BAZ2A: variants seen among roughly 807,000 people sequenced by gnomAD.
BAZ2A encodes bromodomain adjacent to zinc finger domain protein 2A.
Under a neutral mutation model 199.9 loss-of-function variants are expected in BAZ2A, and 34 were observed. That is an observed-to-expected ratio of 0.17 (90% CI 0.13 to 0.23). The LOEUF is 0.23. Ranked by LOEUF, BAZ2A falls within the 10% of genes least tolerant of loss-of-function variation. The pLI is 1.00. For missense variants in BAZ2A, 2,002 were observed against 2,391.1 expected (o/e 0.84, Z 3.39); for synonymous variants, 857 against 883.9 (o/e 0.97, Z 0.54).
At chr12:56,628,266 G>C (rs1400692626) in intron 1 of BAZ2A, among the ~76,000 whole-genome samples, 2 of 151,170 alleles carry the variant, frequency 1.3e-5, no homozygotes, top group African/African-American at 4.9e-5. Flanking sequence ...GCCAACTGTT[G>C]CCCCTAACCA....
Position 56,597,382 on chromosome 12 carries a change from T to G in BAZ2A, c.*1236A>C, listed in dbSNP as rs537355252. ...GTTCCTGCTGAAAGATTGCACAGTC[T>G]GAAGAGGCTGGAACAAAAATGACCA... On this transcript the variant is annotated 3_prime_UTR_variant, in exon 29 of 29. Coordinates refer to ENST00000549884, the MANE Select transcript of BAZ2A (RefSeq NM_001300905.2). 1 of 152,146 alleles carries G rather than the reference T, an allele frequency of 6.6e-6. No homozygotes were observed. The highest frequency in any genetic ancestry group is 1.5e-5 in the Non-Finnish European group (1 of 67,962). The allele number at this position is 152,146 out of a possible 1,614,324, so 9.4% of individuals were successfully genotyped here.
rs866633933 is a variant in BAZ2A at position 56,606,194 on chromosome 12, A to C, written c.2259+53T>G. 80 of 1,610,146 alleles carry C rather than the reference A, an allele frequency of 5.0e-5. No homozygotes were observed. In the Middle Eastern group the frequency reaches 6.6e-4, roughly 13 times the overall value. The stretch of plus-strand genomic sequence containing the variant: ...CAAGACTGATGTACATGTCCTGCAA[A>C]ATCAGTTTAGTGGCTTCGAAATTAT... On this transcript the variant is annotated intron_variant, in intron 12 of 28. Transcript: ENST00000549884.
At chr12:56,624,383 TTC>T (rs1951016185) in intron 1 of BAZ2A, among the ~76,000 whole-genome samples, 1 of 152,182 alleles carries the variant, frequency 6.6e-6, no homozygotes. Flanking sequence ...AAGATGACTG[TTC>T]TCTGTCCTTA....
In BAZ2A at chr12:56,600,934, T is replaced by TG. The variant is rs757090660; in HGVS notation, c.4450+8dup. On this transcript the variant is annotated intron_variant, in intron 22 of 28. Coordinates refer to ENST00000549884, the MANE Select transcript of BAZ2A (RefSeq NM_001300905.2). Reference sequence around the variant, plus strand: ...CTTCAGCTCAAGCTGGGTGTAGGAATGTATTTACCAGCTGAGGGCCGCAGG... The same window carrying TG: ...CTTCAGCTCAAGCTGGGTGTAGGAATGGTATTTACCAGCTGAGGGCCGCAGG... 6.2e-7 allele frequency: 1 copy of TG among 1,613,610 alleles called. No homozygotes were observed. The highest frequency in any genetic ancestry group is 8.5e-7 in the Non-Finnish European group (1 of 1,179,688).
At chr12:56,608,149 G>A (rs1007661684) in intron 10 of BAZ2A, among the ~76,000 whole-genome samples, 5 of 151,730 alleles carry the variant, frequency 3.3e-5, no homozygotes, top group Admixed American at 3.3e-4. Context: ...GAGGTGGGCG[G>A]ATCACGAGGT....
chr12:56,601,095 ATC>A lies in BAZ2A; in HGVS notation c.4296_4297del (p.Glu1432AspfsTer12). 6.2e-7 allele frequency: 1 copy of A among 1,613,562 alleles called. No individual in the cohort carries two copies. The highest frequency in any genetic ancestry group is 8.5e-7 in the Non-Finnish European group (1 of 1,179,708). On this transcript the variant is annotated frameshift_variant and splice_region_variant, in exon 22 of 29. Coordinates refer to ENST00000549884, the MANE Select transcript of BAZ2A (RefSeq NM_001300905.2). LOFTEE classifies it high-confidence loss of function. ...TCGTATCCACCACCAGCCTGAGCAC[ATC>A]TCTGTGAGCAGATGAGATATATGTG...
At chr12:56,638,203 C>T (rs1592642973), upstream of BAZ2A, 5 of 860,900 alleles carry the variant, frequency 5.8e-6, no homozygotes, top group African/African-American at 1.7e-5. Flanking sequence ...TTATTGGAAA[C>T]CTTAAATACT....
rs745355020 is a variant in BAZ2A, at chr12:56,605,166, C to A, written c.2655G>T (p.Leu885=). 3.7e-6 allele frequency: 6 copies of A among 1,613,840 alleles called. No individual in the cohort carries two copies. Among genetic ancestry groups the A allele is most frequent in the East Asian group, 4.5e-5 (2 of 44,846 alleles). The change falls in exon 14 of 29, where the codon CTG becomes CTT. Residue 885 remains leucine (L), a synonymous_variant. Coordinates refer to ENST00000549884, the MANE Select transcript of BAZ2A (RefSeq NM_001300905.2). ...CCTCACCCAAGCTGTCACCTTGACA[C>A]AGGAGTCCCTCCTGCAGGACCCCCA... ...PSLGVLQEGL[L]CQGDSLGEVQ...
intron 1 of BAZ2A, among the ~76,000 whole-genome samples, chr12:56,628,692 C>G (rs923836939): frequency 6.6e-6 from 1 of 152,174 alleles, no homozygotes; most frequent in East Asian, 1.9e-4. Flanking sequence ...CCTTCCTCTT[C>G]GTCCATTTCT....
intron 1 of BAZ2A, among the ~76,000 whole-genome samples, chr12:56,624,432 G>C (rs1951017118): frequency 6.6e-6 from 1 of 152,054 alleles, no homozygotes; most frequent in Non-Finnish European, 1.5e-5. Context: ...AGCATCAGTT[G>C]GATATAAGTT....
At chr12:56,628,583 C>T (rs1565838954) in intron 1 of BAZ2A, among the ~76,000 whole-genome samples, 1 of 152,160 alleles carries the variant, frequency 6.6e-6, no homozygotes, top group East Asian at 1.9e-4. Context: ...TGCCCTTAGG[C>T]TAGAATCACC....
rs1387093731 is a variant in BAZ2A, at chr12:56,603,003, T to C, written c.3280-146A>G. The C allele has an allele frequency of 3.7e-6, 4 of 1,095,058 alleles. No individual in the cohort carries two copies. In the African/African-American group the frequency reaches 4.8e-5, roughly 13 times the overall value. 67.8% of individuals were successfully genotyped at this position (1,095,058 alleles called of 1,614,324 possible). ...GGGCCTAATTCAGAAGGTGATTAAG[T>C]TTGGGAGCGGTGGCTCACGCCTGTA... On this transcript the variant is annotated intron_variant, in intron 18 of 28. Transcript: ENST00000549884.
upstream of BAZ2A, among the ~76,000 whole-genome samples, chr12:56,633,919 G>C (rs963393785): frequency 7.2e-5 from 11 of 152,098 alleles, no homozygotes; most frequent in African/African-American, 2.7e-4. Context: ...ATTTTGTAGA[G>C]ACAAGGTTTT....
intron 1 of BAZ2A, among the ~76,000 whole-genome samples, chr12:56,626,963 A>G (rs1382247382): frequency 3.3e-5 from 5 of 152,362 alleles, no homozygotes; most frequent in African/African-American, 9.6e-5. Context: ...TGTTTCCAGA[A>G]TATCAAAAAC....
At chr12:56,625,106 A>C (rs1026372607) in intron 1 of BAZ2A, among the ~76,000 whole-genome samples, 1 of 150,820 alleles carries the variant, frequency 6.6e-6, no homozygotes, top group Admixed American at 6.6e-5. Flanking sequence ...TCCAGAGGTT[A>C]TATTAAGGTA....
rs1192275855 is a variant in BAZ2A at position 56,597,302 on chromosome 12, G to A, written c.*1316C>T. On this transcript the variant is annotated 3_prime_UTR_variant, in exon 29 of 29. Transcript: ENST00000549884. ...CTAAATGGGATTAGGAAATGATCCA[G>A]TTCTACCACTCTCCCGTAGAAGCTT... The A allele has an allele frequency of 1.3e-5, 2 of 152,422 alleles. No homozygotes were observed. The highest frequency in any genetic ancestry group is 2.9e-5 in the Non-Finnish European group (2 of 68,034). The allele number at this position is 152,422 out of a possible 1,614,324, so 9.4% of individuals were successfully genotyped here. A position where few individuals can be genotyped will look rare whatever the true frequency, so the allele number is the denominator to read the frequency against.
Position 56,601,263 on chromosome 12 carries a change from C to A in BAZ2A, c.4211G>T (p.Arg1404Leu). ...QSPTGLGQPK[R>L]RGRPPSKFFK... ...GAACTTACTGGGAGGTCTCCCTCTC[C>A]GTTTGGGCTGTCCCAGCCCTGTGGG... is the stretch of plus-strand genomic sequence containing the variant. The change falls in exon 21 of 29, where the codon CGG becomes CTG. Residue 1404 changes from arginine (R) to leucine (L), a missense_variant. This residue lies in a region of BAZ2A where 1,081 missense variants were observed against 1,274.7 expected (regional missense o/e 0.85). Transcript: ENST00000549884. 2 of 1,614,048 alleles carry A rather than the reference C, an allele frequency of 1.2e-6. No homozygotes were observed. The highest frequency in any genetic ancestry group is 1.7e-6 in the Non-Finnish European group (2 of 1,179,906).
chr12:56,608,384 A>C (rs1340835784), intron 10 of BAZ2A, among the ~76,000 whole-genome samples: 1 of 151,886 alleles, frequency 6.6e-6, no homozygotes, highest in Non-Finnish European at 1.5e-5. Context: ...AAAAAAAAAA[A>C]CAAAATGAGA....
At chr12:56,632,921 G>A (rs1006805984), upstream of BAZ2A, among the ~76,000 whole-genome samples, 9 of 152,162 alleles carry the variant, frequency 5.9e-5, no homozygotes, top group South Asian at 2.1e-4. Context: ...CAAATGTCCC[G>A]AAACACTCCT....
Sources: gnomAD v4.1 joint callset for allele counts (sites outside exome capture counted in the v4.1 genomes callset) on GRCh38, gnomAD v4.1.1 for gene constraint, gnomAD v4.1.1 regional missense constraint, MANE v1.5 for transcripts, NCBI Gene and HGNC (gene_info 2026-07-23, HGNC 2026-07-21) for gene names.